The following GUSB variants were observed in gnomAD, a reference collection of about 807,000 sequenced individuals.
GUSB encodes beta-glucuronidase.
Under a neutral mutation model 74.6 loss-of-function variants are expected in GUSB, and 51 were observed. The observed-to-expected ratio is 0.68, with a 90% CI of 0.55 to 0.86. GUSB has a LOEUF of 0.86. Among genes scored for constraint, GUSB ranks in the 40% least tolerant of loss-of-function variants. The pLI is 0.00. For missense variants in GUSB, 736 were observed against 853.7 expected (o/e 0.86, Z 1.72); for synonymous variants, 360 against 348.3 (o/e 1.03, Z -0.37).
Position 65,974,311 on chromosome 7 carries a change from C to A in GUSB, c.1375G>T (p.Ala459Ser), listed in dbSNP as rs1254246863. The change falls in exon 8 of 12, where the codon GCT becomes TCT. Residue 459 changes from alanine to serine, a missense_variant. Around this residue, in one of 2 missense-constraint regions of GUSB, gnomAD observed 368 missense variants for 489.9 expected, o/e 0.75. Coordinates refer to ENST00000304895, the MANE Select transcript of GUSB (RefSeq NM_000181.4). ...ANEPASHLESAGYYLKMVIAH... is the reference protein window; with the variant it reads ...ANEPASHLESSGYYLKMVIAH... Reference sequence around the variant, plus strand: ...AGCACTCACTTCAAGTAGTAGCCAGCAGATTCTAGGTGGGACGCAGGCTCG... The same window carrying A: ...AGCACTCACTTCAAGTAGTAGCCAGAAGATTCTAGGTGGGACGCAGGCTCG... 3.1e-6 allele frequency: 5 copies of A among 1,614,106 alleles called. No individual in the cohort carries two copies. Among genetic ancestry groups the A allele is most frequent in the Admixed American group, 1.7e-5 (1 of 60,016 alleles).
intron 9 of GUSB, among the ~76,000 whole-genome samples, chr7:65,969,069 C>G (rs1791031142): frequency 6.6e-6 from 1 of 152,170 alleles, no homozygotes; most frequent in African/African-American, 2.4e-5. Context: ...CTAATGCGTC[C>G]TGAACACATT....
rs772768221 is a variant in GUSB at position 65,967,917 on chromosome 7, G to C, written c.1477-10C>G. On this transcript the variant is annotated splice_polypyrimidine_tract_variant and intron_variant, in intron 9 of 11. Coordinates refer to ENST00000304895, the MANE Select transcript of GUSB (RefSeq NM_000181.4). ...CATCCACATACGGAGCCTAGGACCAGAGCAGCAGAGCCCGTTCAGCACTCA... is the reference window on the plus strand; with the variant it reads ...CATCCACATACGGAGCCTAGGACCACAGCAGCAGAGCCCGTTCAGCACTCA... The C allele has an allele frequency of 1.9e-6, 3 of 1,598,320 alleles. No individual in the cohort carries two copies. Among genetic ancestry groups the C allele is most frequent in the Non-Finnish European group, 1.7e-6 (2 of 1,178,664 alleles).
chr7:65,963,994 A>G (rs1790666899), intron 11 of GUSB, among the ~76,000 whole-genome samples: 1 of 152,202 alleles, frequency 6.6e-6, no homozygotes. Context: ...AGTGTATCCC[A>G]AAAGTAAATC....
Position 65,961,021 on chromosome 7 carries a change from C to T in GUSB, c.1832G>A (p.Arg611Gln), listed in dbSNP as rs1583879945. ...CGCTGCACTTTTTGGTTGTCTCTGCCGAGTGAAGATCCCCTTTTTATTCCC... is the reference window on the plus strand; with the variant it reads ...CGCTGCACTTTTTGGTTGTCTCTGCTGAGTGAAGATCCCCTTTTTATTCCC... The part of the protein sequence containing the change: ...VLGNKKGIFT[R>Q]QRQPKSAAFL... The change falls in exon 12 of 12, where the codon CGG becomes CAG. Residue 611 changes from arginine (R) to glutamine (Q), a missense_variant. Coordinates refer to ENST00000304895, the MANE Select transcript of GUSB (RefSeq NM_000181.4). 3 of 1,612,636 alleles carry T rather than the reference C, an allele frequency of 1.9e-6. No homozygotes were observed. The highest frequency in any genetic ancestry group is 2.5e-6 in the Non-Finnish European group (3 of 1,179,820).
Position 65,967,901 on chromosome 7 carries a change from A to G in GUSB, c.1483T>C (p.Tyr495His). Reference sequence around the variant, plus strand: ...CTGTTCAAACAGATCACATCCACATACGGAGCCTAGGACCAGAGCAGCAGA... The same window carrying G: ...CTGTTCAAACAGATCACATCCACATGCGGAGCCTAGGACCAGAGCAGCAGA... ...SNYAADKGAP[Y>H]VDVICLNSYY... Residue 495 changes from tyrosine (Y) to histidine (H), a missense_variant, in exon 10 of 12, where the codon TAT (tyrosine) becomes CAT (histidine). Transcript: ENST00000304895. The G allele has an allele frequency of 6.2e-7, 1 of 1,600,258 alleles. No individual in the cohort carries two copies. Among genetic ancestry groups the G allele is most frequent in the African/African-American group, 1.3e-5 (1 of 75,014 alleles).
At chr7:65,968,860 G>A (rs937091834) in intron 9 of GUSB, among the ~76,000 whole-genome samples, 10 of 152,248 alleles carry the variant, frequency 6.6e-5, no homozygotes, top group African/African-American at 2.2e-4. Flanking sequence ...GTGCTGGGAT[G>A]ATAGGTGTAA....
intron 10 of GUSB, among the ~76,000 whole-genome samples, chr7:65,967,362 G>A (rs1156312019): frequency 6.6e-6 from 1 of 152,192 alleles, no homozygotes; most frequent in African/African-American, 2.4e-5. Context: ...GCTGAGGTGG[G>A]AGGATCACTT....
At chr7:65,975,215 T>C in intron 5 of GUSB, 144 bp from the exon 6 acceptor site, 2 of 733,290 alleles carry the variant, frequency 2.7e-6, no homozygotes, top group Non-Finnish European at 4.8e-6. Context: ...GGTTCTGCCC[T>C]ACCCTGGCTG....
At chr7:65,968,628 CA>C (rs1167332698) in intron 9 of GUSB, among the ~76,000 whole-genome samples, 1 of 152,220 alleles carries the variant, frequency 6.6e-6, no homozygotes, top group African/African-American at 2.4e-5. Context: ...CTCTGTCGCC[CA>C]GGCTAGAATG....
In GUSB at chr7:65,980,410, CTG is replaced by C; in HGVS notation, c.211-3_211-2del. ...CTGGCATGTCCACGGTGGGGCCTGACTGTGGAGAGAAGAGCCGGGCTCAGCTC... is the reference window on the plus strand; with the variant it reads ...CTGGCATGTCCACGGTGGGGCCTGACTGGAGAGAAGAGCCGGGCTCAGCTC... On this transcript the variant is annotated splice_acceptor_variant and splice_polypyrimidine_tract_variant and intron_variant, in intron 1 of 11. Coordinates refer to ENST00000304895, the MANE Select transcript of GUSB (RefSeq NM_000181.4). LOFTEE classifies it high-confidence loss of function. 6.2e-7 allele frequency: 1 copy of C among 1,612,844 alleles called. No homozygotes were observed. Among genetic ancestry groups the C allele is most frequent in the Non-Finnish European group, 8.5e-7 (1 of 1,179,468 alleles).
rs544696216 is a variant in GUSB, at chr7:65,966,038, C to T, written c.1654-1580G>A. On this transcript the variant is annotated intron_variant, in intron 10 of 11. Coordinates refer to ENST00000304895, the MANE Select transcript of GUSB (RefSeq NM_000181.4). ...ATACAAAATGAGGTGGGCGTGGTGG[C>T]GCATGCCTGTAATCCCAGCTACTCG... Among the ~76,000 whole-genome samples the T allele has an allele frequency of 2.6e-5, 4 of 152,208 alleles. No individual in the cohort carries two copies. In the South Asian group the frequency reaches 6.2e-4, roughly 24 times the overall value.
chr7:65,976,051 C>T lies in GUSB; in HGVS notation c.876G>A (p.Leu292=). 1 of 1,613,892 alleles carries T rather than the reference C, an allele frequency of 6.2e-7. No homozygotes were observed. The highest frequency in any genetic ancestry group is 1.3e-5 in the African/African-American group (1 of 75,044). Residue 292 remains leucine, a synonymous_variant, in exon 5 of 12, where the codon CTG becomes CTA. Transcript: ENST00000304895. The part of the protein sequence containing the change: ...VPGVSLWWPY[L]MHERPAYLYS... ...ACAGATAGGCAGGGCGTTCGTGCAT[C>T]AGGTACGGCCACCAGAGGCTGACAC... is the stretch of plus-strand genomic sequence containing the variant.
intron 4 of GUSB, among the ~76,000 whole-genome samples, chr7:65,977,468 C>T (rs1406688389): frequency 1.3e-5 from 2 of 152,128 alleles, no homozygotes; most frequent in Admixed American, 1.3e-4. Flanking sequence ...TCCAAAATAC[C>T]TTTCCTTGGC....
chr7:65,964,797 A>C (rs1790728141), intron 10 of GUSB, among the ~76,000 whole-genome samples: 1 of 152,204 alleles, frequency 6.6e-6, no homozygotes, highest in Admixed American at 6.6e-5. Context: ...AGTCAGGTGC[A>C]GTGGCTCATG....
chr7:65,974,915 A>G lies in GUSB; in HGVS notation c.1065+4T>C, dbSNP rs778151820. On this transcript the variant is annotated splice_donor_region_variant and intron_variant, in intron 6 of 11. Transcript: ENST00000304895. ...CCGACAAGGACCCAGGAGCCCCAAC[A>G]CACGTCCGCATCCTCATGCTTGTTG... 3.7e-6 allele frequency: 6 copies of G among 1,613,338 alleles called. No homozygotes were observed. The East Asian group carries it at 8.9e-5, about 24-fold the overall frequency.
chr7:65,961,191 C>T (rs1583880916), intron 11 of GUSB, 128 bp from the exon 12 acceptor site: 1 of 932,530 alleles, frequency 1.1e-6, no homozygotes, highest in Non-Finnish European at 1.7e-6. Flanking sequence ...CCCTGTTGCC[C>T]AGGCTGGAAT....
At chr7:65,981,725 A>G (rs1325880911) in intron 1 of GUSB, 21 of 463,246 alleles carry the variant, frequency 4.5e-5, no homozygotes, top group Non-Finnish European at 3.8e-6. Flanking sequence ...GATACTGCAC[A>G]GACTCAGCCT....
chr7:65,960,864 G>A lies in GUSB; in HGVS notation c.*33C>T, dbSNP rs1790436822. ...GCTGTGGAAGTCGCCCTGACTCGGG[G>A]AGGAAGGGACACGCAGGTGGTATCA... On this transcript the variant is annotated 3_prime_UTR_variant, in exon 12 of 12. Transcript: ENST00000304895. 2 of 1,598,748 alleles carry A rather than the reference G, an allele frequency of 1.3e-6. No individual in the cohort carries two copies. The highest frequency in any genetic ancestry group is 1.3e-5 in the African/African-American group (1 of 74,642).
Position 65,982,066 on chromosome 7 carries a change from C to T in GUSB, c.118G>A (p.Glu40Lys), listed in dbSNP as rs757874872. ...CGGAAGCTCCAGAGGCCGTCCAGCT[C>T]CTTGCACTCCCGCGACGGGCTCTCC... ...PQESPSRECKELDGLWSFRAD... is the reference protein window; with the variant it reads ...PQESPSRECKKLDGLWSFRAD... Residue 40 changes from glutamate (E) to lysine (K), a missense_variant, in exon 1 of 12, where the codon GAG becomes AAG. This residue lies in a region of GUSB where 368 missense variants were observed against 363.8 expected (regional missense o/e 1.01). Coordinates refer to ENST00000304895, the MANE Select transcript of GUSB (RefSeq NM_000181.4). 4 of 1,609,322 alleles carry T rather than the reference C, an allele frequency of 2.5e-6. No individual in the cohort carries two copies. The highest frequency in any genetic ancestry group is 1.1e-5 in the South Asian group (1 of 90,634).
Sources: allele counts gnomAD v4.1 joint callset (sites outside exome capture counted in the v4.1 genomes callset), GRCh38; gene constraint gnomAD v4.1.1; regional missense constraint gnomAD v4.1.1; transcripts MANE v1.5; gene names NCBI Gene and HGNC (gene_info 2026-07-23, HGNC 2026-07-21).